THADA: variants seen among roughly 807,000 people sequenced by gnomAD.
THADA encodes THADA armadillo repeat containing.
THADA carries 213 observed loss-of-function variants against 219.8 expected under a neutral mutation model. That is an observed-to-expected ratio of 0.97 (90% CI 0.87 to 1.09). The LOEUF (loss-of-function observed/expected upper bound fraction) is 1.09. Among genes scored for constraint, THADA ranks in the 50% least tolerant of loss-of-function variants. The pLI is 0.00. For synonymous variants in THADA, 1,018 were observed against 828.9 expected (o/e 1.23, Z -3.92); for missense variants, 2,956 against 2,311.3 (o/e 1.28, Z -5.72).
intron 30 of THADA, among the ~76,000 whole-genome samples, chr2:43,337,720 C>A (rs1666625892): frequency 6.7e-6 from 1 of 149,880 alleles, no homozygotes; most frequent in Non-Finnish European, 1.5e-5. Flanking sequence ...CACACACACA[C>A]CACACTCATG....
chr2:43,397,961 CTT>C lies in THADA; in HGVS notation c.4227+8_4227+9del. The C allele has an allele frequency of 6.2e-7, 1 of 1,613,528 alleles. No individual in the cohort carries two copies. Among genetic ancestry groups the C allele is most frequent in the Non-Finnish European group, 8.5e-7 (1 of 1,179,564 alleles). Reference sequence around the variant, plus strand: ...GTTTGACAGAAGTCACACAAAGCAACTTTACTTACCTGGAGAAGTGTCCCATG... The same window carrying C: ...GTTTGACAGAAGTCACACAAAGCAACTACTTACCTGGAGAAGTGTCCCATG... On this transcript the variant is annotated splice_region_variant and intron_variant, in intron 29 of 37. Coordinates refer to ENST00000405975, the MANE Select transcript of THADA (RefSeq NM_022065.5).
At chr2:43,259,000 C>T (rs942118998) in intron 36 of THADA, among the ~76,000 whole-genome samples, 1 of 152,148 alleles carries the variant, frequency 6.6e-6, no homozygotes, top group African/African-American at 2.4e-5. Flanking sequence ...GAAAGTGAAC[C>T]TTCTGGAGCA....
intron 4 of THADA, among the ~76,000 whole-genome samples, chr2:43,588,498 T>C (rs1209088826): frequency 2.0e-5 from 3 of 152,176 alleles, no homozygotes; most frequent in Admixed American, 6.5e-5. Flanking sequence ...GTATTTGGCA[T>C]ATGATCTATA....
At chr2:43,498,238 T>C (rs1166916164) in intron 25 of THADA, among the ~76,000 whole-genome samples, 1 of 151,420 alleles carries the variant, frequency 6.6e-6, no homozygotes, top group African/African-American at 2.4e-5. Context: ...AGATGAGAGA[T>C]GGGAGTTAGT....
At chr2:43,244,568 G>A (rs933701674) in intron 36 of THADA, among the ~76,000 whole-genome samples, 1 of 152,196 alleles carries the variant, frequency 6.6e-6, no homozygotes, top group Non-Finnish European at 1.5e-5. Context: ...CTGTTCTGGA[G>A]CAGGTAATAA....
chr2:43,595,360 A>T (rs1307014142), intron 1 of THADA, among the ~76,000 whole-genome samples: 3 of 152,232 alleles, frequency 2.0e-5, no homozygotes, highest in Non-Finnish European at 4.4e-5. Flanking sequence ...TCAGATCTAG[A>T]GGAATAGAGG....
rs968023813 is a variant in THADA at position 43,551,788 on chromosome 2, C to T, written c.2947+1G>A. 6.2e-7 allele frequency: 1 copy of T among 1,611,374 alleles called. No individual in the cohort carries two copies. The highest frequency in any genetic ancestry group is 1.3e-5 in the African/African-American group (1 of 74,692). On this transcript the variant is annotated splice_donor_variant, in intron 19 of 37. Coordinates refer to ENST00000405975, the MANE Select transcript of THADA (RefSeq NM_022065.5). LOFTEE classifies it high-confidence loss of function. ...CTAGCCGGCCTTCTTCATTTGCTAA[C>T]CTGAATCAGTGTCCATTGGGATGAG...
At chr2:43,544,598 G>T (rs1236033715) in intron 20 of THADA, among the ~76,000 whole-genome samples, 1 of 151,604 alleles carries the variant, frequency 6.6e-6, no homozygotes, top group African/African-American at 2.4e-5. Context: ...CACGTCCCTT[G>T]TAAGTTGGAT....
At chr2:43,578,838 C>A (rs1020256503) in intron 8 of THADA, among the ~76,000 whole-genome samples, 1 of 152,110 alleles carries the variant, frequency 6.6e-6, no homozygotes, top group Non-Finnish European at 1.5e-5. Flanking sequence ...GAATAATGAA[C>A]ATAAACGCTT....
chr2:43,446,949 C>A lies in THADA; in HGVS notation c.3837-16647G>T, dbSNP rs113314511. On this transcript the variant is annotated intron_variant, in intron 26 of 37. Transcript: ENST00000405975. ...CTTGATCTCTTCCACCTGCTGGTGG[C>A]TGTCAGTATTTCTTGGCTTATAGCT... Among the ~76,000 whole-genome samples, 995 of 152,282 alleles carry A rather than the reference C, an allele frequency of 6.5e-3. 3 individuals are homozygous for A. Among genetic ancestry groups the A allele is most frequent in the African/African-American group, 0.021 (871 of 41,548 alleles).
At chr2:43,388,012 C>T (rs1262993927) in intron 29 of THADA, among the ~76,000 whole-genome samples, 2 of 152,156 alleles carry the variant, frequency 1.3e-5, no homozygotes, top group Non-Finnish European at 2.9e-5. Flanking sequence ...TTTAAATGGT[C>T]AGCTGTGTCC....
At chr2:43,246,802 C>T (rs1293343458) in intron 36 of THADA, among the ~76,000 whole-genome samples, 3 of 152,206 alleles carry the variant, frequency 2.0e-5, no homozygotes. Context: ...GGCCAACACT[C>T]CCCAGCAGCC....
intron 28 of THADA, among the ~76,000 whole-genome samples, chr2:43,424,672 G>C (rs1400690072): frequency 6.6e-6 from 1 of 152,156 alleles, no homozygotes; most frequent in Admixed American, 6.5e-5. Flanking sequence ...TCTGTTTATA[G>C]TTCACCTCGC....
At chr2:43,549,435 T>C (rs986870622) in intron 19 of THADA, 67 bp from the exon 20 acceptor site, 1 of 1,470,178 alleles carries the variant, frequency 6.8e-7, no homozygotes, top group Non-Finnish European at 9.1e-7. Context: ...CCCTTGGGGA[T>C]GCTTACTCAA....
At chr2:43,576,227 GT>G (rs749462484) in intron 10 of THADA, among the ~76,000 whole-genome samples, 9 of 152,304 alleles carry the variant, frequency 5.9e-5, no homozygotes, top group Non-Finnish European at 1.0e-4. Flanking sequence ...GCTCAAATAT[GT>G]AAAAAATTAT....
chr2:43,546,675 C>A lies in THADA; in HGVS notation c.3106+2535G>T, dbSNP rs553668704. Reference sequence around the variant, plus strand: ...TTGTTGGTTTAAAGTCTGTTTTATCCGAGACTAGGATTGCAACCCCTGCCT... The same window carrying A: ...TTGTTGGTTTAAAGTCTGTTTTATCAGAGACTAGGATTGCAACCCCTGCCT... On this transcript the variant is annotated intron_variant, in intron 20 of 37. Coordinates refer to ENST00000405975, the MANE Select transcript of THADA (RefSeq NM_022065.5). 5.5e-3 allele frequency among the ~76,000 whole-genome samples: 836 copies of A among 151,456 alleles called. 9 individuals are homozygous for A. Among genetic ancestry groups the A allele is most frequent in the African/African-American group, 0.018 (722 of 40,984 alleles).
Position 43,464,075 on chromosome 2 carries a change from A to G in THADA, c.3836+21159T>C, listed in dbSNP as rs142109273. On this transcript the variant is annotated intron_variant, in intron 26 of 37. Coordinates refer to ENST00000405975, the MANE Select transcript of THADA (RefSeq NM_022065.5). ...CAAAATCTCAGTTGTATATTGATATATGGTCAGAAAATTCTGTAGAAGAAA... is the reference window on the plus strand; with the variant it reads ...CAAAATCTCAGTTGTATATTGATATGTGGTCAGAAAATTCTGTAGAAGAAA... Among the ~76,000 whole-genome samples the G allele has an allele frequency of 1.2e-3, 188 of 152,336 alleles. 1 individual carries two copies. The highest frequency in any genetic ancestry group is 4.4e-3 in the African/African-American group (182 of 41,580).
At chr2:43,443,597 C>T (rs1681130616) in intron 26 of THADA, among the ~76,000 whole-genome samples, 1 of 151,956 alleles carries the variant, frequency 6.6e-6, no homozygotes, top group Non-Finnish European at 1.5e-5. Context: ...AAAGTGATAG[C>T]CAAAAAGGAA....
intron 29 of THADA, among the ~76,000 whole-genome samples, chr2:43,350,488 T>C (rs1209594422): frequency 1.3e-5 from 2 of 152,246 alleles, no homozygotes; most frequent in African/African-American, 4.8e-5. Flanking sequence ...TTCAGGCATA[T>C]TAACTGAACC....
Sources: allele counts gnomAD v4.1 joint callset (sites outside exome capture counted in the v4.1 genomes callset), GRCh38; gene constraint gnomAD v4.1.1; transcripts MANE v1.5; gene names NCBI Gene and HGNC (gene_info 2026-07-23, HGNC 2026-07-21).